BTAF1: variants seen among roughly 807,000 people sequenced by gnomAD.
The protein encoded by BTAF1 is TATA-binding protein-associated factor 172.
Under a neutral mutation model 227.1 loss-of-function variants are expected in BTAF1, and 38 were observed. The ratio of observed to expected loss-of-function variants is 0.17; its 90% confidence interval spans 0.13 to 0.22. The LOEUF (loss-of-function observed/expected upper bound fraction) is 0.22. Among genes scored for constraint, BTAF1 ranks in the 10% least tolerant of loss-of-function variants. BTAF1 has a pLI of 1.00. For missense variants in BTAF1, 1,598 were observed against 2,204.0 expected, an observed-to-expected ratio of 0.73 and a Z score of 5.51; for synonymous variants, 742 against 751.9, an observed-to-expected ratio of 0.99 and a Z score of 0.21.
chr10:92,021,939 C>T (rs559018399), intron 34 of BTAF1, among the ~76,000 whole-genome samples: 35 of 152,224 alleles, frequency 2.3e-4, no homozygotes, highest in African/African-American at 7.5e-4. Flanking sequence ...ATTGAAAAAA[C>T]GGGTAATTTA....
At chr10:91,930,285 G>A (rs1046234221) in intron 1 of BTAF1, among the ~76,000 whole-genome samples, 18 of 152,152 alleles carry the variant, frequency 1.2e-4, no homozygotes, top group Non-Finnish European at 2.2e-4. Flanking sequence ...ATCAGGGATG[G>A]AGGGTAGAAA....
Position 91,939,952 on chromosome 10 carries a change from G to A in BTAF1, c.139G>A (p.Val47Met). The A allele has an allele frequency of 6.3e-7, 1 of 1,593,148 alleles. No homozygotes were observed. The highest frequency in any genetic ancestry group is 8.6e-7 in the Non-Finnish European group (1 of 1,162,866). ...PHELNNLLSK[V>M]LIYLRSANWD... ...TAACTTTTATTTTATAATTTTTAAGGTGTTGATATATTTAAGGAGTGCAAA... is the reference window on the plus strand; with the variant it reads ...TAACTTTTATTTTATAATTTTTAAGATGTTGATATATTTAAGGAGTGCAAA... Residue 47 changes from valine (V) to methionine (M), a missense_variant and splice_region_variant, in exon 3 of 38, where the codon GTG becomes ATG. By Grantham distance (21) the Val-to-Met change is conservative. This residue lies in a region of BTAF1 where 298 missense variants were observed against 395.2 expected (regional missense o/e 0.75). Coordinates refer to ENST00000265990, the MANE Select transcript of BTAF1 (RefSeq NM_003972.3).
chr10:92,026,126 G>GT (rs1374133833), intron 35 of BTAF1, among the ~76,000 whole-genome samples: 2 of 152,240 alleles, frequency 1.3e-5, no homozygotes, highest in East Asian at 1.9e-4. Context: ...TTTAATGTTA[G>GT]TTTTTTCTTT....
At chr10:92,015,870 C>T (rs1273739165) in intron 32 of BTAF1, among the ~76,000 whole-genome samples, 3 of 152,152 alleles carry the variant, frequency 2.0e-5, no homozygotes, top group South Asian at 2.1e-4. Context: ...GACATATGTT[C>T]CCCTTTTAGG....
Position 91,980,485 on chromosome 10 carries a change from C to T in BTAF1, c.1682C>T (p.Pro561Leu). ...NSSSWLIPIL[P>L]DMLRHIFQFC... is the part of the protein sequence containing the mutation. ...TCATCTTGGCTTATACCTATACTGC[C>T]TGATATGCTCCGACACATTTTTCAG... Residue 561 changes from proline to leucine, a missense_variant, in exon 15 of 38, where the codon CCT becomes CTT. Pro to Leu is a moderately conservative substitution (Grantham distance 98). This residue lies in a region of BTAF1 where 318 missense variants were observed against 435.0 expected (regional missense o/e 0.73). Transcript: ENST00000265990. 6.2e-7 allele frequency: 1 copy of T among 1,613,124 alleles called. No homozygotes were observed. The highest frequency in any genetic ancestry group is 8.5e-7 in the Non-Finnish European group (1 of 1,179,356).
intron 9 of BTAF1, 68 bp downstream of exon 9, chr10:91,959,222 G>T (rs1400147855): frequency 1.4e-5 from 22 of 1,608,554 alleles, no homozygotes; most frequent in Non-Finnish European, 4.2e-6. Context: ...ATGTAGGGAA[G>T]TAACGAGTAT....
intron 24 of BTAF1, chr10:91,996,931 A>G (rs1026544506): frequency 5.2e-6 from 2 of 381,366 alleles, no homozygotes; most frequent in Admixed American, 3.9e-5. Context: ...GGTAGTCCCT[A>G]TGTTATAAAC....
chr10:91,936,923 A>C (rs543269779), intron 2 of BTAF1, among the ~76,000 whole-genome samples: 3 of 152,194 alleles, frequency 2.0e-5, no homozygotes, highest in Admixed American at 6.5e-5. Flanking sequence ...TCATTCCCAA[A>C]GAGGCGAAGT....
intron 8 of BTAF1, among the ~76,000 whole-genome samples, chr10:91,957,680 TAGAAG>T (rs1309745309): frequency 6.6e-6 from 1 of 152,228 alleles, no homozygotes; most frequent in Non-Finnish European, 1.5e-5. Context: ...TCCCAATGTG[TAGAAG>T]AGAAGAGTGA....
Position 91,940,043 on chromosome 10 carries a change from A to G in BTAF1, c.230A>G (p.Asn77Ser). The G allele has an allele frequency of 6.2e-7, 1 of 1,611,964 alleles. No individual in the cohort carries two copies. Among genetic ancestry groups the G allele is most frequent in the Non-Finnish European group, 8.5e-7 (1 of 1,178,528 alleles). Residue 77 changes from asparagine to serine, a missense_variant, in exon 3 of 38, where the codon AAT becomes AGT. Physicochemically the swap from Asn to Ser is conservative, Grantham distance 46 (BLOSUM62 1). Around this residue, in one of 10 missense-constraint regions of BTAF1, gnomAD observed 298 missense variants for 395.2 expected, o/e 0.75. Coordinates refer to ENST00000265990, the MANE Select transcript of BTAF1 (RefSeq NM_003972.3). Reference protein sequence around the residue: ...EAIVKNVPEWNPVPRTRQEPT... With the variant: ...EAIVKNVPEWSPVPRTRQEPT... ...ATAGTGAAAAATGTACCTGAGTGGA[A>G]TCCAGTGCCGAGAACCAGACAAGGT...
In BTAF1 at chr10:91,923,995, C is replaced by G; in HGVS notation, c.-82C>G. On this transcript the variant is annotated 5_prime_UTR_variant, in exon 1 of 38. Transcript: ENST00000265990. ...CCCTGTGCTCCGCGGCCTGGGCCTGCGCCGCTCAGCTCTCTGGAAACTAGC... is the reference window on the plus strand; with the variant it reads ...CCCTGTGCTCCGCGGCCTGGGCCTGGGCCGCTCAGCTCTCTGGAAACTAGC... 6.5e-7 allele frequency: 1 copy of G among 1,535,976 alleles called. No individual in the cohort carries two copies. Among genetic ancestry groups the G allele is most frequent in the South Asian group, 1.2e-5 (1 of 80,846 alleles).
At chr10:91,967,063 A>G (rs1311736288) in intron 14 of BTAF1, among the ~76,000 whole-genome samples, 2 of 152,206 alleles carry the variant, frequency 1.3e-5, no homozygotes, top group Admixed American at 6.5e-5. Context: ...TAGTCTTTGC[A>G]TGCTCTTTGT....
At chr10:91,975,028 A>G (rs955363602) in intron 14 of BTAF1, among the ~76,000 whole-genome samples, 1 of 152,290 alleles carries the variant, frequency 6.6e-6, no homozygotes, top group South Asian at 2.1e-4. Flanking sequence ...CTATTAATAT[A>G]TATATCTATC....
At chr10:91,992,352 A>G in intron 21 of BTAF1, 43 bp downstream of exon 21, 10 of 1,487,012 alleles carry the variant, frequency 6.7e-6, no homozygotes, top group Non-Finnish European at 9.0e-6. Context: ...ATTTTTAAAC[A>G]AATATCTGAC....
At chr10:91,986,189 G>T (rs1213852981) in intron 19 of BTAF1, among the ~76,000 whole-genome samples, 1 of 152,032 alleles carries the variant, frequency 6.6e-6, no homozygotes, top group Non-Finnish European at 1.5e-5. Flanking sequence ...AATTTTTCCA[G>T]CATTATTTAT....
chr10:91,961,867 CA>C (rs1846545546), intron 11 of BTAF1, among the ~76,000 whole-genome samples: 1 of 151,994 alleles, frequency 6.6e-6, no homozygotes, highest in South Asian at 2.1e-4. Flanking sequence ...ACTCTTCTCT[CA>C]TTTTCCTTTT....
At position 91,951,396 on chromosome 10, in the gene BTAF1, T is replaced by A; in HGVS notation, c.401-7T>A. The A allele has an allele frequency of 6.2e-7, 1 of 1,605,192 alleles. No individual in the cohort carries two copies. The highest frequency in any genetic ancestry group is 8.5e-7 in the Non-Finnish European group (1 of 1,177,610). ...TTGGAGAAAACGTATTTCTTTTCTG[T>A]TGAAAGGTGAAGTGGATCCTAAAGA... On this transcript the variant is annotated splice_polypyrimidine_tract_variant and splice_region_variant and intron_variant, in intron 4 of 37. Coordinates refer to ENST00000265990, the MANE Select transcript of BTAF1 (RefSeq NM_003972.3).
chr10:91,997,841 G>T (rs1849244067), intron 25 of BTAF1, 90 bp downstream of exon 25: 1 of 1,323,602 alleles, frequency 7.6e-7, no homozygotes, highest in Non-Finnish European at 1.0e-6. Context: ...AGGTACAAAG[G>T]CTCATGCCTG....
At chr10:92,025,442 T>TAAA (rs1289816579) in intron 35 of BTAF1, among the ~76,000 whole-genome samples, 6 of 150,202 alleles carry the variant, frequency 4.0e-5, no homozygotes, top group Non-Finnish European at 8.9e-5. Context: ...GCTTTTTTTT[T>TAAA]TAAAAAAAAA....
Sources: gnomAD v4.1 joint callset for allele counts (sites outside exome capture counted in the v4.1 genomes callset) on GRCh38, gnomAD v4.1.1 for gene constraint, gnomAD v4.1.1 regional missense constraint, MANE v1.5 for transcripts, NCBI Gene and HGNC (gene_info 2026-07-23, HGNC 2026-07-21) for gene names.